The following NCAM2 variants were observed in gnomAD, a reference collection of about 807,000 sequenced individuals.
NCAM2 encodes the protein neural cell adhesion molecule 2.
Under a neutral mutation model 98.1 loss-of-function variants are expected in NCAM2, and 30 were observed. The ratio of observed to expected loss-of-function variants is 0.31; its 90% CI spans 0.23 to 0.41. The LOEUF (loss-of-function observed/expected upper bound fraction) is 0.41, where lower values mean the gene tolerates loss of function less well. Among genes scored for constraint, NCAM2 ranks in the 10% least tolerant of loss-of-function variants. NCAM2 has a pLI of 1.00. For missense variants in NCAM2, 867 were observed against 1,005.8 expected (o/e 0.86, Z 1.87); for synonymous variants, 368 against 342.4 (o/e 1.07, Z -0.83).
intron 1 of NCAM2, among the ~76,000 whole-genome samples, chr21:21,004,263 GAATATTATC>G (rs2064071751): frequency 6.6e-6 from 1 of 152,132 alleles, no homozygotes; most frequent in Non-Finnish European, 1.5e-5. Flanking sequence ...CTTAAAATGA[GAATATTATC>G]AGCACCTTCT....
chr21:21,475,183 C>A (rs1464538279), intron 14 of NCAM2, among the ~76,000 whole-genome samples: 2 of 152,000 alleles, frequency 1.3e-5, no homozygotes, highest in Non-Finnish European at 2.9e-5. Context: ...AAAACTGACA[C>A]CTTCTTGTCA....
chr21:21,530,284 T>G (rs1363038109), intron 16 of NCAM2, among the ~76,000 whole-genome samples: 2 of 132,450 alleles, frequency 1.5e-5, no homozygotes, highest in African/African-American at 5.6e-5. Context: ...ATAATTTAAT[T>G]TAATTATATA....
At chr21:21,221,418 C>G (rs2070149396) in intron 1 of NCAM2, among the ~76,000 whole-genome samples, 1 of 151,998 alleles carries the variant, frequency 6.6e-6, no homozygotes, top group South Asian at 2.1e-4. Flanking sequence ...AAGCTATCCT[C>G]TCACTTCAAA....
At chr21:21,521,359 A>G (rs925252443) in intron 16 of NCAM2, among the ~76,000 whole-genome samples, 2 of 152,164 alleles carry the variant, frequency 1.3e-5, no homozygotes, top group African/African-American at 4.8e-5. Context: ...ACCCCTACTC[A>G]GTATGTTATG....
chr21:21,082,244 G>A (rs914394892), intron 1 of NCAM2, among the ~76,000 whole-genome samples: 245 of 74,314 alleles, frequency 3.3e-3, no homozygotes, highest in Middle Eastern at 0.017. Context: ...AAAAAAAAAA[G>A]AATTCTCTCA....
At chr21:21,509,525 A>G (rs1988226721) in intron 16 of NCAM2, among the ~76,000 whole-genome samples, 1 of 152,198 alleles carries the variant, frequency 6.6e-6, no homozygotes, top group African/African-American at 2.4e-5. Context: ...TTTTTTGTAT[A>G]GAAAATATGA....
chr21:21,391,179 C>T (rs1314616050), intron 9 of NCAM2, among the ~76,000 whole-genome samples: 2 of 151,780 alleles, frequency 1.3e-5, no homozygotes, highest in South Asian at 4.2e-4. Context: ...ACAGCAAGAC[C>T]CCATCTCAAG....
intron 12 of NCAM2, among the ~76,000 whole-genome samples, chr21:21,461,522 G>A (rs1471347377): frequency 6.6e-6 from 1 of 151,700 alleles, no homozygotes; most frequent in Non-Finnish European, 1.5e-5. Context: ...TCAACATATT[G>A]TTTTGATGAA....
At chr21:21,035,005 A>G (rs967370002) in intron 1 of NCAM2, among the ~76,000 whole-genome samples, 4 of 152,196 alleles carry the variant, frequency 2.6e-5, no homozygotes, top group Admixed American at 6.5e-5. Flanking sequence ...CTTGTCTGTA[A>G]CAACTGTATG....
intron 1 of NCAM2, among the ~76,000 whole-genome samples, chr21:21,059,357 T>A (rs1035733326): frequency 6.6e-6 from 1 of 152,054 alleles, no homozygotes; most frequent in Non-Finnish European, 1.5e-5. Flanking sequence ...AAGAAAATAG[T>A]GCAGCAGAGA....
chr21:21,389,849 A>T (rs1404055827), intron 9 of NCAM2, among the ~76,000 whole-genome samples: 1 of 152,036 alleles, frequency 6.6e-6, no homozygotes. Context: ...ATTCCATATT[A>T]TGGCTATTAT....
rs566606104 is a variant in NCAM2, at chr21:21,328,789, G to C, written c.737+4289G>C. Among the ~76,000 whole-genome samples the C allele has an allele frequency of 2.0e-4, 30 of 151,966 alleles. No homozygotes were observed. In the South Asian group the frequency reaches 3.1e-3, roughly 16 times the overall value. On this transcript the variant is annotated intron_variant, in intron 6 of 17. Transcript: ENST00000400546. ...TATTATTGAAGAAAGAAAATGTTTAGTGTCGCTTAAGTATACAGTGTTTAT... is the reference window on the plus strand; with the variant it reads ...TATTATTGAAGAAAGAAAATGTTTACTGTCGCTTAAGTATACAGTGTTTAT...
intron 2 of NCAM2, among the ~76,000 whole-genome samples, chr21:21,282,683 C>T (rs1197056741): frequency 2.0e-5 from 3 of 151,518 alleles, no homozygotes; most frequent in Admixed American, 6.6e-5. Context: ...GGATGTTACA[C>T]CCTCAAAGAG....
At chr21:21,537,257 G>A (rs909637188) in intron 17 of NCAM2, among the ~76,000 whole-genome samples, 2 of 151,918 alleles carry the variant, frequency 1.3e-5, no homozygotes, top group Non-Finnish European at 2.9e-5. Flanking sequence ...GTTTTGGCCA[G>A]GCTGGTCTTG....
chr21:21,264,323 A>G (rs2072040139), intron 1 of NCAM2, among the ~76,000 whole-genome samples: 1 of 152,110 alleles, frequency 6.6e-6, no homozygotes, highest in African/African-American at 2.4e-5. Flanking sequence ...CAGAATGGCT[A>G]TTATTAAAAA....
intron 10 of NCAM2, among the ~76,000 whole-genome samples, chr21:21,416,623 G>A (rs1432298812): frequency 6.6e-6 from 1 of 152,082 alleles, no homozygotes; most frequent in Non-Finnish European, 1.5e-5. Context: ...TCTAGTAGAT[G>A]TTTATCAGTG....
intron 1 of NCAM2, among the ~76,000 whole-genome samples, chr21:21,023,259 C>A (rs534387379): frequency 5.9e-5 from 9 of 152,224 alleles, no homozygotes; most frequent in African/African-American, 2.2e-4. Context: ...TGCGGTGGCT[C>A]ACGCCTGTAA....
chr21:21,042,476 G>T (rs372339854), intron 1 of NCAM2, among the ~76,000 whole-genome samples: 3 of 152,048 alleles, frequency 2.0e-5, no homozygotes, highest in South Asian at 4.1e-4. Context: ...GAACCACTGC[G>T]CCTGACCTTC....
At chr21:21,452,942 A>AAAATATAT in intron 12 of NCAM2, among the ~76,000 whole-genome samples, 1 of 94,538 alleles carries the variant, frequency 1.1e-5, no homozygotes, top group Non-Finnish European at 1.8e-5. Flanking sequence ...TATATAATAT[A>AAAATATAT]ATTTATACTA....
Sources: allele counts gnomAD v4.1 joint callset (sites outside exome capture counted in the v4.1 genomes callset), GRCh38; gene constraint gnomAD v4.1.1; transcripts MANE v1.5; gene names NCBI Gene and HGNC (gene_info 2026-07-23, HGNC 2026-07-21).